Variants in GRIN2B observed in about 807,000 individuals in gnomAD.
GRIN2B encodes glutamate ionotropic receptor NMDA type subunit 2B.
Under a neutral mutation model 114.5 loss-of-function variants are expected in GRIN2B, and 5 were observed. The observed-to-expected ratio is 0.04, with a 90% confidence interval of 0.02 to 0.09. The LOEUF (loss-of-function observed/expected upper bound fraction) is 0.09, where lower values mean the gene tolerates loss of function less well. Among genes scored for constraint, GRIN2B ranks in the 10% least tolerant of loss-of-function variants. GRIN2B has a pLI of 1.00. For missense variants in GRIN2B, 1,108 were observed against 1,943.5 expected, an observed-to-expected ratio of 0.57 and a Z score of 8.08; for synonymous variants, 787 against 745.1, an observed-to-expected ratio of 1.06 and a Z score of -0.92.
chr12:13,958,079 C>A (rs575638990), intron 2 of GRIN2B, among the ~76,000 whole-genome samples: 1 of 152,170 alleles, frequency 6.6e-6, no homozygotes, highest in South Asian at 2.1e-4. Context: ...TATTGGACAG[C>A]GCTGGTCTCA....
At chr12:13,973,298 T>C (rs908629128) in intron 2 of GRIN2B, among the ~76,000 whole-genome samples, 9 of 152,184 alleles carry the variant, frequency 5.9e-5, no homozygotes, top group African/African-American at 2.2e-4. Flanking sequence ...TGACATTTCT[T>C]TCTAAAGAAA....
chr12:13,607,393 T>TATATATAATATATA (rs1949290584), intron 10 of GRIN2B, among the ~76,000 whole-genome samples: 1 of 71,540 alleles, frequency 1.4e-5, no homozygotes, highest in African/African-American at 6.5e-5. Flanking sequence ...TAATATATAT[T>TATATATAATATATA]ATATATAATA....
intron 5 of GRIN2B, among the ~76,000 whole-genome samples, chr12:13,663,040 G>A (rs979814412): frequency 1.3e-5 from 2 of 152,134 alleles, no homozygotes; most frequent in African/African-American, 4.8e-5. Context: ...AGCTTCTGGT[G>A]TAGAAGCTGA....
intron 5 of GRIN2B, among the ~76,000 whole-genome samples, chr12:13,641,072 CTTA>C (rs139395602): frequency 1.2e-3 from 173 of 149,100 alleles, no homozygotes; most frequent in African/African-American, 3.1e-3. Flanking sequence ...TTGTATCATG[CTTA>C]TTATTATTAT....
chr12:13,585,110 A>G (rs1387392334), intron 10 of GRIN2B, among the ~76,000 whole-genome samples: 2 of 152,162 alleles, frequency 1.3e-5, no homozygotes, highest in Non-Finnish European at 2.9e-5. Flanking sequence ...AAAATTTTGG[A>G]GGAGATAAAG....
At chr12:13,606,938 A>T (rs1565473202) in intron 10 of GRIN2B, among the ~76,000 whole-genome samples, 1 of 151,400 alleles carries the variant, frequency 6.6e-6, no homozygotes. Flanking sequence ...TTAAATAAGG[A>T]AGAAGAATAA....
At chr12:13,756,799 G>A (rs1863583982) in intron 3 of GRIN2B, among the ~76,000 whole-genome samples, 1 of 152,140 alleles carries the variant, frequency 6.6e-6, no homozygotes, top group Non-Finnish European at 1.5e-5. Context: ...AAAGCCACGG[G>A]GGTCCATAGT....
At chr12:13,691,470 C>G (rs10772700) in intron 4 of GRIN2B, among the ~76,000 whole-genome samples, 68,052 of 151,998 alleles carry the variant, frequency 0.45, 15,757 homozygotes, top group East Asian at 0.82. Context: ...AATTTGATTA[C>G]CACTTGCTTG....
At chr12:13,783,976 C>G (rs1407166275) in intron 3 of GRIN2B, among the ~76,000 whole-genome samples, 1 of 152,070 alleles carries the variant, frequency 6.6e-6, no homozygotes, top group Non-Finnish European at 1.5e-5. Flanking sequence ...GTAATCCCAG[C>G]ACTTTGGGAG....
Position 13,610,103 on chromosome 12 carries a change from A to G in GRIN2B, c.1781-1271T>C, listed in dbSNP as rs147493823. 254 of 152,326 alleles carry G rather than the reference A, an allele frequency of 1.7e-3. 1 individual carries two copies. Among genetic ancestry groups the G allele is most frequent in the African/African-American group, 5.5e-3 (229 of 41,578 alleles). 9.4% of individuals were successfully genotyped at this position (152,326 alleles called of 1,614,324 possible). A position where few individuals can be genotyped will look rare whatever the true frequency, so the allele number is the denominator to read the frequency against. On this transcript the variant is annotated intron_variant, in intron 9 of 13. Transcript: ENST00000609686. ...GATCCTGATAGCATCTGCTCAGCCA[A>G]ATAAATCATCAGGGACAACTCATGT...
At chr12:13,626,443 C>T (rs1431632056) in intron 5 of GRIN2B, among the ~76,000 whole-genome samples, 1 of 152,178 alleles carries the variant, frequency 6.6e-6, no homozygotes, top group Non-Finnish European at 1.5e-5. Flanking sequence ...CTTGTCATTA[C>T]TCTCTACCTT....
At chr12:13,826,577 A>G (rs1259588735) in intron 3 of GRIN2B, among the ~76,000 whole-genome samples, 1 of 152,114 alleles carries the variant, frequency 6.6e-6, no homozygotes, top group Non-Finnish European at 1.5e-5. Context: ...GCTGTTTTTA[A>G]TATTTTTCTC....
chr12:13,949,578 T>A (rs141486169), intron 2 of GRIN2B, among the ~76,000 whole-genome samples: 1 of 152,022 alleles, frequency 6.6e-6, no homozygotes, highest in East Asian at 1.9e-4. Context: ...TATGGCCTCA[T>A]GATCAATATA....
At chr12:13,951,400 G>C (rs1867476630) in intron 2 of GRIN2B, among the ~76,000 whole-genome samples, 1 of 152,110 alleles carries the variant, frequency 6.6e-6, no homozygotes. Context: ...GAACCCTGCA[G>C]CCTGAATAAG....
Position 13,547,171 on chromosome 12 carries a change from A to C in GRIN2B, c.*15612T>G, listed in dbSNP as rs955231083. On this transcript the variant is annotated 3_prime_UTR_variant, in exon 14 of 14. Coordinates refer to ENST00000609686, the MANE Select transcript of GRIN2B (RefSeq NM_000834.5). ...AAAGGAAAGTCGGGGAGGGGAGCCA[A>C]AAACATGAAGGGGAACCAGGAGAGC... 2.0e-5 allele frequency: 3 copies of C among 152,138 alleles called. No homozygotes were observed. The highest frequency in any genetic ancestry group is 7.2e-5 in the African/African-American group (3 of 41,450). The allele number at this position is 152,138 out of a possible 1,614,324, so 9.4% of individuals were successfully genotyped here. A position where few individuals can be genotyped will look rare whatever the true frequency, so the allele number is the denominator to read the frequency against.
At chr12:13,622,456 C>T (rs1949527346) in intron 5 of GRIN2B, among the ~76,000 whole-genome samples, 1 of 152,138 alleles carries the variant, frequency 6.6e-6, no homozygotes. Context: ...CTTCCCCACC[C>T]CCAAAGCTAT....
chr12:13,628,437 A>G (rs2136494539), intron 5 of GRIN2B, among the ~76,000 whole-genome samples: 1 of 152,330 alleles, frequency 6.6e-6, no homozygotes, highest in East Asian at 1.9e-4. Flanking sequence ...CTGAATTTCA[A>G]GTGTTTTCAA....
intron 2 of GRIN2B, among the ~76,000 whole-genome samples, chr12:13,868,899 C>T (rs996722343): frequency 2.0e-5 from 3 of 152,192 alleles, no homozygotes; most frequent in Non-Finnish European, 4.4e-5. Context: ...ACTTTGAATA[C>T]AAACTCAATT....
At chr12:13,925,755 T>C (rs906657987) in intron 2 of GRIN2B, among the ~76,000 whole-genome samples, 5 of 152,178 alleles carry the variant, frequency 3.3e-5, no homozygotes, top group Non-Finnish European at 7.3e-5. Flanking sequence ...TTGAAGCTAT[T>C]AATAGTGCAA....
Sources: allele counts gnomAD v4.1 joint callset (sites outside exome capture counted in the v4.1 genomes callset), GRCh38; gene constraint gnomAD v4.1.1; transcripts MANE v1.5; gene names NCBI Gene and HGNC (gene_info 2026-07-23, HGNC 2026-07-21).